The following NLRC5 variants were observed in gnomAD, a reference collection of about 807,000 sequenced individuals.
NLRC5 encodes NLR family CARD domain containing 5, also known as protein NLRC5.
NLRC5 carries 114 observed loss-of-function variants against 206.9 expected under a neutral mutation model. That is an observed-to-expected ratio of 0.55 (90% CI 0.47 to 0.64). NLRC5 has a LOEUF of 0.64. Among genes scored for constraint, NLRC5 ranks in the 30% least tolerant of loss-of-function variants. The pLI, the probability that NLRC5 is intolerant of heterozygous loss-of-function variation, is 0.00. For missense variants in NLRC5, 2,008 were observed against 2,305.5 expected, an observed-to-expected ratio of 0.87 and a Z score of 2.64; for synonymous variants, 952 against 962.8, an observed-to-expected ratio of 0.99 and a Z score of 0.21.
rs1182363660 is a variant in NLRC5 at position 57,083,015 on chromosome 16, A to C, written c.*487A>C. On this transcript the variant is annotated 3_prime_UTR_variant, in exon 49 of 49. Coordinates refer to ENST00000688547, the MANE Select transcript of NLRC5 (RefSeq NM_001384950.1). ...GGCTGGCCCAAGATCTAATTTATTA[A>C]TTTTTAAAGCAAATACATATTTATA... 6.5e-6 allele frequency: 1 copy of C among 152,780 alleles called. No individual in the cohort carries two copies. Among genetic ancestry groups the C allele is most frequent in the African/African-American group, 2.4e-5 (1 of 41,478 alleles). 9.5% of individuals were successfully genotyped at this position (152,780 alleles called of 1,614,324 possible). A position where few individuals can be genotyped will look rare whatever the true frequency, so the allele number is the denominator to read the frequency against.
chr16:57,028,054 C>A lies in NLRC5; in HGVS notation c.2076-18C>A. 2 of 1,601,010 alleles carry A rather than the reference C, an allele frequency of 1.2e-6. No individual in the cohort carries two copies. The highest frequency in any genetic ancestry group is 8.6e-7 in the Non-Finnish European group (1 of 1,169,282). On this transcript the variant is annotated intron_variant, in intron 6 of 48. Transcript: ENST00000688547. ...GCCCAGCACTGATCCTCTGACACTT[C>A]GCTTCTTCTTATGGCAGCTTTAAGA...
chr16:56,997,807 C>G (rs1488469259), intron 1 of NLRC5, among the ~76,000 whole-genome samples: 3 of 152,138 alleles, frequency 2.0e-5, no homozygotes, highest in Non-Finnish European at 2.9e-5. Context: ...TCTCAAACTA[C>G]TGGGCTCAAG....
At chr16:57,061,380 C>G (rs1597403208) in intron 30 of NLRC5, 68 bp from the exon 31 acceptor site, 2 of 1,493,682 alleles carry the variant, frequency 1.3e-6, no homozygotes, top group East Asian at 4.6e-5. Context: ...CTCAGGGAGG[C>G]TGAGATGAAG....
chr16:57,082,629 G>A lies in NLRC5; in HGVS notation c.*101G>A. The A allele has an allele frequency of 2.4e-6, 2 of 832,098 alleles. No homozygotes were observed. The highest frequency in any genetic ancestry group is 1.7e-5 in the African/African-American group (1 of 59,036). The allele number at this position is 832,098 out of a possible 1,614,324, so 51.5% of individuals were successfully genotyped here. A position where few individuals can be genotyped will look rare whatever the true frequency, so the allele number is the denominator to read the frequency against. Reference sequence around the variant, plus strand: ...GACTCAGGAAAGAAGAGCCTCGGCAGGGCGCTCTGCACTCCACCCAGGAGG... The same window carrying A: ...GACTCAGGAAAGAAGAGCCTCGGCAAGGCGCTCTGCACTCCACCCAGGAGG... On this transcript the variant is annotated 3_prime_UTR_variant, in exon 49 of 49. Transcript: ENST00000688547.
chr16:57,075,107 C>T (rs909382894), intron 39 of NLRC5, among the ~76,000 whole-genome samples: 13 of 137,094 alleles, frequency 9.5e-5, no homozygotes, highest in Non-Finnish European at 2.0e-4. Flanking sequence ...CAGGTGCAAT[C>T]GTGTTGCACT....
intron 23 of NLRC5, 68 bp from the exon 24 acceptor site, chr16:57,051,470 C>T: frequency 1.7e-6 from 2 of 1,164,102 alleles, no homozygotes; most frequent in Non-Finnish European, 2.6e-6. Flanking sequence ...AAGGCTCTGG[C>T]TATGAGGCCG....
At chr16:57,017,876 T>C (rs2142853458) in intron 2 of NLRC5, among the ~76,000 whole-genome samples, 1 of 152,294 alleles carries the variant, frequency 6.6e-6, no homozygotes, top group African/African-American at 2.4e-5. Flanking sequence ...CCACAGAGAA[T>C]TAGTAACAGA....
chr16:57,003,731 A>G (rs2058573502), intron 1 of NLRC5: 1 of 151,928 alleles, frequency 6.6e-6, no homozygotes. Context: ...TTTTGAAACC[A>G]TATCTTTGCT....
At chr16:57,003,620 C>T (rs773035597) in intron 1 of NLRC5, among the ~76,000 whole-genome samples, 2 of 152,030 alleles carry the variant, frequency 1.3e-5, no homozygotes, top group African/African-American at 4.8e-5. Flanking sequence ...GGTGCAGTGA[C>T]GTGAAGTGTG....
chr16:57,041,357 A>G, intron 17 of NLRC5, 128 bp from the exon 18 acceptor site: 1 of 694,074 alleles, frequency 1.4e-6, no homozygotes, highest in South Asian at 1.8e-5. Flanking sequence ...TCTAGGTGCC[A>G]GATACATCCC....
chr16:57,045,555 TC>T (rs1191443340), intron 21 of NLRC5, 63 bp downstream of exon 21: 7 of 1,517,872 alleles, frequency 4.6e-6, no homozygotes, highest in African/African-American at 1.4e-5. Context: ...CTGTTGGAGG[TC>T]CCCCCACCCC....
intron 1 of NLRC5, among the ~76,000 whole-genome samples, chr16:57,006,029 A>G (rs955865817): frequency 6.6e-6 from 1 of 151,010 alleles, no homozygotes; most frequent in African/African-American, 2.4e-5. Context: ...ACAGGGTCTC[A>G]CTCTGTCACC....
At chr16:57,048,603 G>A (rs35715479) in intron 23 of NLRC5, among the ~76,000 whole-genome samples, 9 of 152,004 alleles carry the variant, frequency 5.9e-5, no homozygotes, top group African/African-American at 9.7e-5. Flanking sequence ...GCGTGATCTC[G>A]GCTTGCTGCC....
intron 39 of NLRC5, among the ~76,000 whole-genome samples, chr16:57,075,119 C>T (rs371527919): frequency 1.0e-3 from 149 of 143,622 alleles, no homozygotes; most frequent in African/African-American, 3.7e-3. Context: ...TGTTGCACTG[C>T]AGCCTCAAAC....
chr16:57,080,261 C>T (rs1357410921), intron 46 of NLRC5, among the ~76,000 whole-genome samples: 1 of 152,116 alleles, frequency 6.6e-6, no homozygotes, highest in African/African-American at 2.4e-5. Context: ...TACACCAAAG[C>T]GAAAGTCTCA....
At chr16:57,028,011 C>T (rs1024997942) in intron 6 of NLRC5, 61 bp from the exon 7 acceptor site, 96 of 1,172,680 alleles carry the variant, frequency 8.2e-5, no homozygotes, top group African/African-American at 1.1e-4. Flanking sequence ...GAGGGGATGG[C>T]GATGACTTCT....
intron 13 of NLRC5, 65 bp downstream of exon 13, chr16:57,034,316 C>A: frequency 8.0e-7 from 1 of 1,243,142 alleles, no homozygotes; most frequent in Non-Finnish European, 1.2e-6. Context: ...TGGGCAGGGC[C>A]TCGCCTTTGG....
At chr16:57,027,108 T>A in intron 6 of NLRC5, 90 bp downstream of exon 6, 3 of 1,429,820 alleles carry the variant, frequency 2.1e-6, no homozygotes, top group Non-Finnish European at 2.8e-6. Flanking sequence ...CCAAGAGGAC[T>A]GGATAAGAAT....
chr16:56,999,293 G>C (rs2057988281), intron 1 of NLRC5, among the ~76,000 whole-genome samples: 1 of 152,198 alleles, frequency 6.6e-6, no homozygotes, highest in Admixed American at 6.5e-5. Flanking sequence ...TGTATTCTGG[G>C]CCCCAAGGCT....
Sources: gnomAD v4.1 joint callset for allele counts (sites outside exome capture counted in the v4.1 genomes callset) on GRCh38, gnomAD v4.1.1 for gene constraint, MANE v1.5 for transcripts, NCBI Gene and HGNC (gene_info 2026-07-23, HGNC 2026-07-21) for gene names.